Variants in TRIM36 observed in about 807,000 individuals in gnomAD.
The protein encoded by TRIM36 is tripartite motif containing 36.
Under a neutral mutation model 72.4 loss-of-function variants are expected in TRIM36, and 42 were observed. That is an observed-to-expected ratio of 0.58 (90% CI 0.45 to 0.75). TRIM36 has a LOEUF of 0.75. TRIM36 is among the 30% of genes least tolerant of loss of function. The pLI is 0.00. For synonymous variants in TRIM36, 315 were observed against 282.8 expected (o/e 1.11, Z -1.14); for missense variants, 913 against 857.1 (o/e 1.07, Z -0.81).
At chr5:115,134,799 C>G (rs1338131213) in intron 7 of TRIM36, among the ~76,000 whole-genome samples, 1 of 152,176 alleles carries the variant, frequency 6.6e-6, no homozygotes, top group Non-Finnish European at 1.5e-5. Flanking sequence ...CTTGGTCTCC[C>G]AAAGTGCTGG....
At chr5:115,173,338 C>T (rs1755199767), upstream of TRIM36, among the ~76,000 whole-genome samples, 1 of 152,188 alleles carries the variant, frequency 6.6e-6, no homozygotes, top group South Asian at 2.1e-4. Flanking sequence ...TAAGCCCCCT[C>T]TCCGCATGCC....
chr5:115,156,445 T>C (rs974944440), intron 2 of TRIM36, among the ~76,000 whole-genome samples: 1 of 152,134 alleles, frequency 6.6e-6, no homozygotes, highest in African/African-American at 2.4e-5. Flanking sequence ...ACTGAAACAG[T>C]ATGGTACTGG....
Position 115,126,577 on chromosome 5 carries a change from A to G in TRIM36, c.2077T>C (p.Leu693=), listed in dbSNP as rs1473913219. The change falls in exon 10 of 10, where the codon TTA becomes CTA. Residue 693 remains leucine (L), a synonymous_variant. Transcript: ENST00000513154. ...AGCTGAATTCCTCCACTGCCCATTA[A>G]TGCAAATGCTGGATACAGTGTATGT... ...CSHTLYPAFA[L]MGSGGIQLEE... The G allele has an allele frequency of 6.2e-7, 1 of 1,613,872 alleles. No individual in the cohort carries two copies. The highest frequency in any genetic ancestry group is 8.5e-7 in the Non-Finnish European group (1 of 1,179,882).
At chr5:115,131,930 G>T (rs1001771374) in intron 8 of TRIM36, among the ~76,000 whole-genome samples, 22 of 152,138 alleles carry the variant, frequency 1.4e-4, no homozygotes, top group African/African-American at 5.1e-4. Flanking sequence ...TTAGAATAAT[G>T]AAAGTTAAGG....
chr5:115,127,234 A>G (rs1243067637), intron 9 of TRIM36, among the ~76,000 whole-genome samples: 1 of 152,222 alleles, frequency 6.6e-6, no homozygotes, highest in Non-Finnish European at 1.5e-5. Flanking sequence ...CAGACCTCAT[A>G]TACCACAGTG....
At chr5:115,127,900 C>T (rs1752438665) in intron 9 of TRIM36, among the ~76,000 whole-genome samples, 1 of 152,046 alleles carries the variant, frequency 6.6e-6, no homozygotes, top group South Asian at 2.1e-4. Context: ...ATGACAGCTC[C>T]ATGTATGTTA....
chr5:115,178,898 C>T (rs529801835), intron 1 of TRIM36, among the ~76,000 whole-genome samples: 2 of 152,248 alleles, frequency 1.3e-5, no homozygotes, highest in African/African-American at 4.8e-5. Flanking sequence ...ATAGGACTGT[C>T]GGGCATGAAT....
intron 1 of TRIM36, 45 bp downstream of exon 1, chr5:115,169,563 G>A: frequency 1.3e-6 from 2 of 1,495,362 alleles, no homozygotes; most frequent in Non-Finnish European, 1.8e-6. Context: ...GCCGCGGTCG[G>A]CACACCGCCC....
intron 9 of TRIM36, 132 bp downstream of exon 9, chr5:115,130,460 T>G: frequency 2.0e-6 from 2 of 1,014,824 alleles, no homozygotes; most frequent in South Asian, 3.7e-5. Context: ...GCTCCTTTTC[T>G]CAATCAAGCC....
intron 2 of TRIM36, among the ~76,000 whole-genome samples, chr5:115,161,298 A>C (rs1176036978): frequency 6.6e-6 from 1 of 152,226 alleles, no homozygotes; most frequent in Non-Finnish European, 1.5e-5. Context: ...TGAATGAATG[A>C]ATGAATGCCA....
At chr5:115,154,832 T>C (rs1177881165) in intron 2 of TRIM36, among the ~76,000 whole-genome samples, 1 of 152,176 alleles carries the variant, frequency 6.6e-6, no homozygotes, top group Non-Finnish European at 1.5e-5. Flanking sequence ...TAACTCATTC[T>C]GTGAAGCCAG....
Position 115,163,578 on chromosome 5 carries a change from T to C in TRIM36, c.202A>G (p.Ser68Gly). ...GGGGAGGGGAGCCGAAGTCGAGGACTGCTTTGATTGGAGTTGTCTGATCCC... is the reference window on the plus strand; with the variant it reads ...GGGGAGGGGAGCCGAAGTCGAGGACCGCTTTGATTGGAGTTGTCTGATCCC... ...DVGSDNSNQSSPRLRLPSPSM... is the reference protein window; with the variant it reads ...DVGSDNSNQSGPRLRLPSPSM... Residue 68 changes from serine to glycine, a missense_variant, in exon 2 of 10, where the codon AGT becomes GGT. Coordinates refer to ENST00000513154, the MANE Select transcript of TRIM36 (RefSeq NM_001300759.2). 1 of 1,614,214 alleles carries C rather than the reference T, an allele frequency of 6.2e-7. No homozygotes were observed. The highest frequency in any genetic ancestry group is 8.5e-7 in the Non-Finnish European group (1 of 1,180,044).
intron 7 of TRIM36, among the ~76,000 whole-genome samples, 198 bp downstream of exon 7, chr5:115,136,801 CA>C (rs1417593393): frequency 1.3e-5 from 2 of 152,110 alleles, no homozygotes; most frequent in Non-Finnish European, 2.9e-5. Flanking sequence ...TAAAAACACA[CA>C]AACTAATGGA....
At chr5:115,131,470 T>G (rs1752672151) in intron 8 of TRIM36, among the ~76,000 whole-genome samples, 1 of 152,202 alleles carries the variant, frequency 6.6e-6, no homozygotes, top group Non-Finnish European at 1.5e-5. Flanking sequence ...AACTTTAATT[T>G]ATTCATCTGC....
intron 1 of TRIM36, chr5:115,179,916 G>A: frequency 2.0e-6 from 3 of 1,499,932 alleles, no homozygotes; most frequent in Non-Finnish European, 2.7e-6. Context: ...CACAGTGGCG[G>A]GCCAGGTAGT....
chr5:115,158,627 C>T (rs1326446378), intron 2 of TRIM36, among the ~76,000 whole-genome samples: 1 of 152,182 alleles, frequency 6.6e-6, no homozygotes, highest in African/African-American at 2.4e-5. Flanking sequence ...TATGCTGCCA[C>T]CTTAATGCTT....
At chr5:115,150,051 G>GCC (rs1213507460) in intron 2 of TRIM36, among the ~76,000 whole-genome samples, 3 of 152,138 alleles carry the variant, frequency 2.0e-5, no homozygotes, top group African/African-American at 4.8e-5. Context: ...CAGCCACCGT[G>GCC]CCTGGCCCAA....
chr5:115,179,647 C>T (rs747526320), intron 1 of TRIM36, among the ~76,000 whole-genome samples: 31 of 152,250 alleles, frequency 2.0e-4, no homozygotes, highest in Non-Finnish European at 4.1e-4. Flanking sequence ...GGGGCAGCGC[C>T]CCCTTGGCCA....
intron 5 of TRIM36, among the ~76,000 whole-genome samples, chr5:115,138,627 G>C (rs1353801631): frequency 1.3e-5 from 2 of 152,018 alleles, no homozygotes; most frequent in Non-Finnish European, 2.9e-5. Flanking sequence ...TTTACATAAA[G>C]TATATACCAC....
Sources: gnomAD v4.1 joint callset for allele counts (sites outside exome capture counted in the v4.1 genomes callset) on GRCh38, gnomAD v4.1.1 for gene constraint, MANE v1.5 for transcripts, NCBI Gene and HGNC (gene_info 2026-07-23, HGNC 2026-07-21) for gene names.